Variants in TM4SF18 observed in about 807,000 individuals in gnomAD.
The protein encoded by TM4SF18 is transmembrane 4 L6 family member 18.
TM4SF18 carries 22 observed loss-of-function variants against 23.8 expected under a neutral mutation model. That is an observed-to-expected ratio of 0.92 (90% CI 0.66 to 1.32). The LOEUF (loss-of-function observed/expected upper bound fraction) is 1.32, where lower values mean the gene tolerates loss of function less well. TM4SF18 is among the 40% of genes most tolerant of loss of function. TM4SF18 has a pLI of 0.00. For missense variants in TM4SF18, 255 were observed against 240.3 expected (o/e 1.06, Z -0.41); for synonymous variants, 87 against 87.9 (o/e 0.99, Z 0.06).
rs1248243813 is a variant in TM4SF18 at position 149,333,205 on chromosome 3, C to T, written c.177+1G>A. 7 of 1,609,116 alleles carry T rather than the reference C, an allele frequency of 4.4e-6. No homozygotes were observed. Among genetic ancestry groups the T allele is most frequent in the Non-Finnish European group, 5.9e-6 (7 of 1,177,500 alleles). On this transcript the variant is annotated splice_donor_variant, in intron 2 of 5. Coordinates refer to ENST00000296059, the MANE Select transcript of TM4SF18 (RefSeq NM_138786.4). LOFTEE classifies it high-confidence loss of function. ...TCCCAAGTCTCCAAATTCATACTTA[C>T]CATGATGCCTGAGAAACAGATTCCT...
rs1730782668 is a variant in TM4SF18, at chr3:149,320,589, A to G, written c.*889T>C. 6.6e-6 allele frequency: 1 copy of G among 152,336 alleles called. No homozygotes were observed. The highest frequency in any genetic ancestry group is 1.9e-4 in the East Asian group (1 of 5,190). The allele number at this position is 152,336 out of a possible 1,614,324, so 9.4% of individuals were successfully genotyped here. On this transcript the variant is annotated 3_prime_UTR_variant, in exon 6 of 6. Transcript: ENST00000296059. ...AAGGAAGAGCAAGAGTTTAGATTGT[A>G]TAAGTTTATATAAAACTCTTTTTGG...
At chr3:149,326,393 G>A (rs989680388) in intron 3 of TM4SF18, among the ~76,000 whole-genome samples, 1 of 152,132 alleles carries the variant, frequency 6.6e-6, no homozygotes, top group Non-Finnish European at 1.5e-5. Context: ...GCTAAGGGTG[G>A]TGCTAAGTTT....
intron 1 of TM4SF18, 32 bp downstream of exon 1, chr3:149,333,481 T>A: frequency 4.1e-6 from 2 of 492,820 alleles, no homozygotes; most frequent in Non-Finnish European, 2.8e-6. Flanking sequence ...TCTCTCTCTC[T>A]CTTTTTTTTT....
At chr3:149,330,611 G>A (rs575714555) in intron 2 of TM4SF18, among the ~76,000 whole-genome samples, 192 bp from the exon 3 acceptor site, 4 of 152,230 alleles carry the variant, frequency 2.6e-5, no homozygotes, top group Non-Finnish European at 5.9e-5. Context: ...AGATCGTCAC[G>A]AGGTAATATA....
rs7644912 is a variant in TM4SF18 at position 149,324,502 on chromosome 3, A to G, written c.410+378T>C. 5.6e-3 allele frequency among the ~76,000 whole-genome samples: 859 copies of G among 152,240 alleles called. 7 individuals carry two copies. Among genetic ancestry groups the G allele is most frequent in the African/African-American group, 0.019 (796 of 41,518 alleles). On this transcript the variant is annotated intron_variant, in intron 4 of 5. Coordinates refer to ENST00000296059, the MANE Select transcript of TM4SF18 (RefSeq NM_138786.4). ...CCCTTTTACACTTGTAACAGACCAC[A>G]TGTCCAACCTGGCCATAAAACAAAA...
At position 149,330,393 on chromosome 3, in the gene TM4SF18, C is replaced by G. The variant is rs150384722; in HGVS notation, c.204G>C (p.Leu68=). 3.9e-3 allele frequency: 6,228 copies of G among 1,606,710 alleles called. 19 individuals carry two copies. Among genetic ancestry groups the G allele is most frequent in the Non-Finnish European group, 4.6e-3 (5,369 of 1,175,994 alleles). Residue 68 remains leucine (L), a synonymous_variant, in exon 3 of 6, where the codon CTG becomes CTC. Transcript: ENST00000296059. ...IMMLIVTTVL[L]VLENNNNYKC... ...TATAGTTGTTATTATTCTCCAGTAC[C>G]AGAAGAACTGTTGTTACTATAAGCA...
intron 2 of TM4SF18, among the ~76,000 whole-genome samples, chr3:149,332,086 G>T (rs1355674927): frequency 6.6e-6 from 1 of 152,074 alleles, no homozygotes; most frequent in Admixed American, 6.6e-5. Context: ...GCATTTTCAT[G>T]GATCTTGATA....
intron 4 of TM4SF18, among the ~76,000 whole-genome samples, chr3:149,324,420 C>T (rs1451327112): frequency 6.6e-6 from 1 of 152,130 alleles, no homozygotes; most frequent in Non-Finnish European, 1.5e-5. Context: ...ATCATCCCTC[C>T]TACTATAGCC....
At chr3:149,332,887 T>G (rs1036041714) in intron 2 of TM4SF18, among the ~76,000 whole-genome samples, 2 of 152,140 alleles carry the variant, frequency 1.3e-5, no homozygotes, top group Non-Finnish European at 2.9e-5. Flanking sequence ...AAAACAGTAA[T>G]GCCACTGAAG....
In TM4SF18 at chr3:149,318,982, A is replaced by G. The variant is rs1015924806; in HGVS notation, c.*2496T>C. 1 of 152,158 alleles carries G rather than the reference A, an allele frequency of 6.6e-6. No homozygotes were observed. The highest frequency in any genetic ancestry group is 2.4e-5 in the African/African-American group (1 of 41,426). The allele number at this position is 152,158 out of a possible 1,614,324, so 9.4% of individuals were successfully genotyped here. ...TGTATTCAGCTTTTTTTTACTTAAAATTGCATGATTAGCATATACTCTTCA... is the reference window on the plus strand; with the variant it reads ...TGTATTCAGCTTTTTTTTACTTAAAGTTGCATGATTAGCATATACTCTTCA... On this transcript the variant is annotated 3_prime_UTR_variant, in exon 6 of 6. Coordinates refer to ENST00000296059, the MANE Select transcript of TM4SF18 (RefSeq NM_138786.4).
Position 149,319,110 on chromosome 3 carries a change from C to A in TM4SF18, c.*2368G>T, listed in dbSNP as rs148196543. 6.6e-6 allele frequency: 1 copy of A among 152,294 alleles called. No individual in the cohort carries two copies. The highest frequency in any genetic ancestry group is 1.9e-4 in the East Asian group (1 of 5,192). 9.4% of individuals were successfully genotyped at this position (152,294 alleles called of 1,614,324 possible). On this transcript the variant is annotated 3_prime_UTR_variant, in exon 6 of 6. Coordinates refer to ENST00000296059, the MANE Select transcript of TM4SF18 (RefSeq NM_138786.4). ...GATGTGTCCAATGCTGTGGTGGAGT[C>A]ATTCAGCAAACATCTATTAACAGTC...
chr3:149,321,518 T>C, intron 5 of TM4SF18, 26 bp from the exon 6 acceptor site: 1 of 1,543,828 alleles, frequency 6.5e-7, no homozygotes, highest in Non-Finnish European at 8.8e-7. Flanking sequence ...AAAAACAAAG[T>C]GATTAAAGTT....
Position 149,333,171 on chromosome 3 carries a change from C to T in TM4SF18, c.177+35G>A. ...ACAAGGTAAGTCTCAATTACAACTC[C>T]CCCTTCTCTCCCAAGTCTCCAAATT... On this transcript the variant is annotated intron_variant, in intron 2 of 5. Coordinates refer to ENST00000296059, the MANE Select transcript of TM4SF18 (RefSeq NM_138786.4). 5 of 1,570,550 alleles carry T rather than the reference C, an allele frequency of 3.2e-6. No individual in the cohort carries two copies. In the South Asian group the frequency reaches 5.9e-5, roughly 18 times the overall value.
chr3:149,327,877 T>A (rs1730990852), intron 3 of TM4SF18, among the ~76,000 whole-genome samples: 1 of 152,172 alleles, frequency 6.6e-6, no homozygotes, highest in South Asian at 2.1e-4. Context: ...AATGAGTGGA[T>A]ACCATTGCAC....
chr3:149,323,541 T>A (rs1299214977), intron 4 of TM4SF18, among the ~76,000 whole-genome samples: 1 of 152,220 alleles, frequency 6.6e-6, no homozygotes, highest in Non-Finnish European at 1.5e-5. Flanking sequence ...AAACATGAAT[T>A]GTGAAGATTT....
chr3:149,332,844 A>G (rs909597095), intron 2 of TM4SF18, among the ~76,000 whole-genome samples: 1 of 152,176 alleles, frequency 6.6e-6, no homozygotes, highest in Non-Finnish European at 1.5e-5. Flanking sequence ...TCAAGCTAGA[A>G]AAACATGAGT....
rs1730791615 is a variant in TM4SF18 at position 149,321,026 on chromosome 3, A to T, written c.*452T>A. On this transcript the variant is annotated 3_prime_UTR_variant, in exon 6 of 6. Transcript: ENST00000296059. ...CATTTGTAATGACTGTAATTTTACAACCATGTAGTACTCTTTATTTTTTAT... is the reference window on the plus strand; with the variant it reads ...CATTTGTAATGACTGTAATTTTACATCCATGTAGTACTCTTTATTTTTTAT... 6.6e-6 allele frequency: 1 copy of T among 152,112 alleles called. No individual in the cohort carries two copies. Among genetic ancestry groups the T allele is most frequent in the Non-Finnish European group, 1.5e-5 (1 of 68,084 alleles). The allele number at this position is 152,112 out of a possible 1,614,324, so 9.4% of individuals were successfully genotyped here. A position where few individuals can be genotyped will look rare whatever the true frequency, so the allele number is the denominator to read the frequency against.
At chr3:149,322,121 A>T in intron 5 of TM4SF18, 135 bp downstream of exon 5, 1 of 728,824 alleles carries the variant, frequency 1.4e-6, no homozygotes, top group Non-Finnish European at 2.2e-6. Flanking sequence ...GAGATATTAG[A>T]GCTTGAATAA....
intron 1 of TM4SF18, 31 bp downstream of exon 1, chr3:149,333,482 C>CTCTTTT (rs4048749): frequency 0.12 from 26,714 of 231,786 alleles, 978 homozygotes; most frequent in African/African-American, 0.18. Flanking sequence ...CTCTCTCTCT[C>CTCTTTT]TTTTTTTTTT....
Sources: gnomAD v4.1 joint callset for allele counts (sites outside exome capture counted in the v4.1 genomes callset) on GRCh38, gnomAD v4.1.1 for gene constraint, MANE v1.5 for transcripts, NCBI Gene and HGNC (gene_info 2026-07-23, HGNC 2026-07-21) for gene names.